Variants in SRGAP3 observed in about 807,000 individuals in gnomAD.
SRGAP3 encodes the protein SLIT-ROBO Rho GTPase activating protein 3, also known as SLIT-ROBO Rho GTPase-activating protein 3.
In SRGAP3, 39 loss-of-function variants were observed where a neutral mutation model predicts 121.1. The ratio of observed to expected loss-of-function variants is 0.32; its 90% CI spans 0.25 to 0.42. The LOEUF (loss-of-function observed/expected upper bound fraction) is 0.42. Among genes scored for constraint, SRGAP3 ranks in the 10% least tolerant of loss-of-function variants. SRGAP3 has a pLI of 1.00. For synonymous variants in SRGAP3, 601 were observed against 570.0 expected (o/e 1.05, Z -0.77); for missense variants, 1,213 against 1,470.6 (o/e 0.82, Z 2.86).
rs1949847755 is a variant in SRGAP3, at chr3:9,141,553, G to GTGTGT, written c.68-16637_68-16636insACACA. The stretch of plus-strand genomic sequence containing the variant: ...GAAACAAGAAGGATCTGACTTCAGG[G>GTGTGT]GTGTGTGTGTGTGTGTGTGTGTGTG... On this transcript the variant is annotated intron_variant, in intron 1 of 21. Transcript: ENST00000383836. Among the ~76,000 whole-genome samples the GTGTGT allele has an allele frequency of 6.4e-3, 884 of 138,454 alleles. 11 individuals carry two copies. Among genetic ancestry groups the GTGTGT allele is most frequent in the African/African-American group, 0.023 (837 of 36,464 alleles). The allele number at this position is 138,454 out of a possible 152,430, so 90.8% of individuals were successfully genotyped here.
intron 21 of SRGAP3, among the ~76,000 whole-genome samples, chr3:8,986,491 G>A (rs1941715657): frequency 6.6e-6 from 1 of 152,160 alleles, no homozygotes; most frequent in African/African-American, 2.4e-5. Flanking sequence ...TTCTAAGGTA[G>A]GAACTACCTT....
intron 3 of SRGAP3, among the ~76,000 whole-genome samples, chr3:9,315,573 T>C (rs1332710256): frequency 1.3e-5 from 2 of 152,088 alleles, no homozygotes; most frequent in African/African-American, 4.8e-5. Context: ...TTACGTGAAG[T>C]TTATAGTTCT....
intron 1 of SRGAP3, among the ~76,000 whole-genome samples, chr3:9,129,749 T>C (rs1048013621): frequency 2.6e-5 from 4 of 152,022 alleles, no homozygotes; most frequent in African/African-American, 9.7e-5. Flanking sequence ...AATATCTGTA[T>C]AGCAAATTAC....
chr3:9,177,842 G>C (rs940739916), intron 1 of SRGAP3, among the ~76,000 whole-genome samples: 2 of 152,100 alleles, frequency 1.3e-5, no homozygotes, highest in Non-Finnish European at 2.9e-5. Flanking sequence ...AGAGAAGAAG[G>C]GCATCTCCTG....
At chr3:9,071,531 T>A (rs1946713710) in intron 4 of SRGAP3, among the ~76,000 whole-genome samples, 1 of 152,050 alleles carries the variant, frequency 6.6e-6, no homozygotes, top group South Asian at 2.1e-4. Context: ...GGAGGAGAAT[T>A]TGCAGTGCTA....
At chr3:9,030,234 G>T (rs1018509012) in intron 12 of SRGAP3, among the ~76,000 whole-genome samples, 1 of 152,156 alleles carries the variant, frequency 6.6e-6, no homozygotes, top group African/African-American at 2.4e-5. Context: ...CCAGTCAAAT[G>T]AGTATTATTC....
intron 1 of SRGAP3, among the ~76,000 whole-genome samples, chr3:9,139,156 A>G (rs1266989344): frequency 1.3e-5 from 2 of 152,208 alleles, no homozygotes; most frequent in African/African-American, 4.8e-5. Context: ...GGCAGCTAGC[A>G]CAGCACCAGT....
chr3:9,128,269 T>C (rs745553213), intron 1 of SRGAP3, among the ~76,000 whole-genome samples: 1 of 152,246 alleles, frequency 6.6e-6, no homozygotes, highest in Non-Finnish European at 1.5e-5. Flanking sequence ...ATAATGTTAT[T>C]TTGATAAATT....
intron 2 of SRGAP3, among the ~76,000 whole-genome samples, chr3:9,118,665 G>A (rs928684928): frequency 2.7e-5 from 4 of 149,638 alleles, no homozygotes; most frequent in Non-Finnish European, 5.9e-5. Context: ...ACTCCCCCAG[G>A]GGGCTTGTTA....
At chr3:8,988,265 G>A (rs1191378202) in intron 21 of SRGAP3, among the ~76,000 whole-genome samples, 1 of 152,128 alleles carries the variant, frequency 6.6e-6, no homozygotes, top group African/African-American at 2.4e-5. Flanking sequence ...TCTTTAAGTG[G>A]GTTCACATCT....
chr3:9,162,755 A>C (rs1015510430), intron 1 of SRGAP3, among the ~76,000 whole-genome samples: 4 of 152,254 alleles, frequency 2.6e-5, no homozygotes, highest in African/African-American at 9.6e-5. Flanking sequence ...GCAAGTGATT[A>C]ACCTCACTGA....
At chr3:9,231,605 C>T (rs935339881) in intron 1 of SRGAP3, among the ~76,000 whole-genome samples, 2 of 152,122 alleles carry the variant, frequency 1.3e-5, no homozygotes, top group Admixed American at 1.3e-4. Context: ...CCAGAAGTTG[C>T]TTTGAATGCC....
At chr3:9,153,697 G>T (rs754949589) in intron 1 of SRGAP3, among the ~76,000 whole-genome samples, 1 of 152,108 alleles carries the variant, frequency 6.6e-6, no homozygotes, top group Admixed American at 6.5e-5. Flanking sequence ...GAGGGAAAGA[G>T]AGTGACAAAA....
chr3:9,130,490 T>C (rs1575118566), intron 1 of SRGAP3, among the ~76,000 whole-genome samples: 1 of 152,110 alleles, frequency 6.6e-6, no homozygotes, highest in African/African-American at 2.4e-5. Flanking sequence ...TTTTTCCCCA[T>C]AGACAAGGAA....
chr3:9,277,853 A>C (rs1202936879), intron 3 of SRGAP3, among the ~76,000 whole-genome samples: 1 of 152,170 alleles, frequency 6.6e-6, no homozygotes, highest in Non-Finnish European at 1.5e-5. Context: ...CAACACTCCT[A>C]ATAAGATGAT....
At position 8,985,226 on chromosome 3, in the gene SRGAP3, C is replaced by A. The variant is rs1179365439; in HGVS notation, c.*293G>T. The stretch of plus-strand genomic sequence containing the variant: ...AGAGGAAGTTTCCAGTGACGATATG[C>A]GGGAGAAGCCATGTGGTATTTTGCC... On this transcript the variant is annotated 3_prime_UTR_variant, in exon 22 of 22. Transcript: ENST00000383836. This position sits in a 1 kb window ranked among gnomAD's most constrained non-coding sequence, Gnocchi z 5.1. The A allele has an allele frequency of 6.0e-6, 3 of 503,960 alleles. No homozygotes were observed. In the East Asian group the frequency reaches 1.1e-4, roughly 18 times the overall value. The allele number at this position is 503,960 out of a possible 1,614,324, so 31.2% of individuals were successfully genotyped here.
At position 9,275,041 on chromosome 3, in the gene SRGAP3, G is replaced by A. The variant is rs561285428; in HGVS notation, n.442+50969C>T. Among the ~76,000 whole-genome samples, 113 of 152,256 alleles carry A rather than the reference G, an allele frequency of 7.4e-4. 1 individual carries two copies. Among genetic ancestry groups the A allele is most frequent in the African/African-American group, 2.6e-3 (109 of 41,566 alleles). ...TTGAGCCAAGGTTCCAGGCTTGAGG[G>A]TGGAACCCTCACCAGGGACCTGCCC... On this transcript the variant is annotated intron_variant and non_coding_transcript_variant, in intron 3 of 3. Coordinates refer to the SRGAP3 transcript ENST00000490889.
intron 3 of SRGAP3, among the ~76,000 whole-genome samples, chr3:9,284,525 A>C (rs1325459688): frequency 3.3e-5 from 5 of 152,208 alleles, no homozygotes; most frequent in Non-Finnish European, 5.9e-5. Context: ...TAATGGTCTT[A>C]GTATTAATAT....
chr3:9,214,181 A>C (rs1288442630), intron 1 of SRGAP3, among the ~76,000 whole-genome samples: 1 of 144,406 alleles, frequency 6.9e-6, no homozygotes, highest in Non-Finnish European at 1.6e-5. Flanking sequence ...CATTTCCCAC[A>C]CGATCACTGG....
Sources: allele counts gnomAD v4.1 joint callset (sites outside exome capture counted in the v4.1 genomes callset), GRCh38; gene constraint gnomAD v4.1.1; non-coding constraint Gnocchi (gnomAD v3.1); transcripts MANE v1.5; gene names NCBI Gene and HGNC (gene_info 2026-07-23, HGNC 2026-07-21).